Variants in GABRB1 observed in about 807,000 individuals in gnomAD.
The protein encoded by GABRB1 is gamma-aminobutyric acid type A receptor subunit beta1.
A neutral mutation model predicts 51.6 loss-of-function variants in GABRB1; 17 were observed. That is an observed-to-expected ratio of 0.33 (90% CI 0.23 to 0.49). GABRB1 has a LOEUF of 0.49. Among genes scored for constraint, GABRB1 ranks in the 20% least tolerant of loss-of-function variants. The pLI, the probability that GABRB1 is intolerant of heterozygous loss-of-function variation, is 0.99. For missense variants in GABRB1, 410 were observed against 600.6 expected, an observed-to-expected ratio of 0.68 and a Z score of 3.32; for synonymous variants, 247 against 218.9, an observed-to-expected ratio of 1.13 and a Z score of -1.14.
At chr4:47,224,454 A>G (rs530163785) in intron 4 of GABRB1, among the ~76,000 whole-genome samples, 3 of 152,172 alleles carry the variant, frequency 2.0e-5, no homozygotes, top group Non-Finnish European at 4.4e-5. Flanking sequence ...ACCAAAGAGC[A>G]GAGTGAGGAG....
At chr4:47,188,744 A>G (rs1306896149) in intron 4 of GABRB1, among the ~76,000 whole-genome samples, 2 of 152,030 alleles carry the variant, frequency 1.3e-5, no homozygotes, top group Admixed American at 6.6e-5. Flanking sequence ...ATCAACTAAC[A>G]TGTTTAAAGA....
chr4:47,005,565 A>G (rs1724362431), intron 1 of GABRB1, among the ~76,000 whole-genome samples: 1 of 151,732 alleles, frequency 6.6e-6, no homozygotes, highest in Non-Finnish European at 1.5e-5. Context: ...TAAAAGAGAA[A>G]GTAGTAAAGC....
chr4:47,082,817 C>T (rs1297090113), intron 3 of GABRB1, among the ~76,000 whole-genome samples: 9 of 152,014 alleles, frequency 5.9e-5, no homozygotes, highest in African/African-American at 1.4e-4. Context: ...TATCTAGATT[C>T]GCATGTCTGG....
rs1264288318 is a variant in GABRB1, at chr4:47,320,763, C to CTTT, written c.544+558_544+560dup. 1.5e-3 allele frequency among the ~76,000 whole-genome samples: 169 copies of CTTT among 113,220 alleles called. 6 individuals are homozygous for CTTT. Among genetic ancestry groups the CTTT allele is most frequent in the African/African-American group, 3.1e-3 (100 of 32,082 alleles). 74.3% of individuals were successfully genotyped at this position (113,220 alleles called of 152,430 possible). ...GCTTTTTCACTGATTGTTTTCTTTTCTTTTTTCTTTTTTTTTTTTTTTTTG... is the reference window on the plus strand; with the variant it reads ...GCTTTTTCACTGATTGTTTTCTTTTCTTTTTTTTTCTTTTTTTTTTTTTTTTTG... On this transcript the variant is annotated intron_variant, in intron 5 of 8. Coordinates refer to ENST00000295454, the MANE Select transcript of GABRB1 (RefSeq NM_000812.4).
intron 5 of GABRB1, among the ~76,000 whole-genome samples, chr4:47,330,026 G>A (rs1725418550): frequency 6.6e-6 from 1 of 152,050 alleles, no homozygotes; most frequent in Admixed American, 6.6e-5. Flanking sequence ...CGTAACTCTA[G>A]TCTGAAGACC....
intron 5 of GABRB1, among the ~76,000 whole-genome samples, chr4:47,396,680 T>C (rs1728189485): frequency 6.6e-6 from 1 of 152,170 alleles, no homozygotes; most frequent in East Asian, 1.9e-4. Context: ...TCCTAAGCAA[T>C]GATTTCTTAA....
At chr4:47,023,572 G>A (rs937109316) in intron 1 of GABRB1, among the ~76,000 whole-genome samples, 1 of 151,910 alleles carries the variant, frequency 6.6e-6, no homozygotes, top group African/African-American at 2.4e-5. Flanking sequence ...ACACATTCCT[G>A]TAAAATTTGG....
chr4:47,046,477 C>T (rs1305877263), intron 3 of GABRB1, among the ~76,000 whole-genome samples: 1 of 151,742 alleles, frequency 6.6e-6, no homozygotes, highest in African/African-American at 2.4e-5. Context: ...AAGAAACATC[C>T]AAAAATCTCA....
Position 47,255,614 on chromosome 4 carries a change from G to A in GABRB1, c.462-64513G>A, listed in dbSNP as rs575582362. Among the ~76,000 whole-genome samples, 24 of 152,332 alleles carry A rather than the reference G, an allele frequency of 1.6e-4. No individual in the cohort carries two copies. In the South Asian group the frequency reaches 5.0e-3, roughly 32 times the overall value. ...TAAGTAGAATTGACATGCCAGAAGG[G>A]TGATGATCGTGACCTAAGACAAAGA... On this transcript the variant is annotated intron_variant, in intron 4 of 8. Coordinates refer to ENST00000295454, the MANE Select transcript of GABRB1 (RefSeq NM_000812.4).
chr4:47,134,164 C>T (rs1329097203), intron 3 of GABRB1, among the ~76,000 whole-genome samples: 1 of 152,110 alleles, frequency 6.6e-6, no homozygotes, highest in African/African-American at 2.4e-5. Flanking sequence ...TAGGATATTG[C>T]TACCAAAAGG....
intron 4 of GABRB1, among the ~76,000 whole-genome samples, chr4:47,303,577 A>G (rs1724340022): frequency 6.6e-6 from 1 of 151,948 alleles, no homozygotes; most frequent in Non-Finnish European, 1.5e-5. Flanking sequence ...TCTTGAAAGT[A>G]CAAATATAAG....
chr4:47,301,739 A>G (rs1293128200), intron 4 of GABRB1, among the ~76,000 whole-genome samples: 2 of 152,214 alleles, frequency 1.3e-5, no homozygotes, highest in South Asian at 2.1e-4. Context: ...CTGAAAAGAC[A>G]TAGTATACTG....
At chr4:47,280,126 G>A (rs1723227948) in intron 4 of GABRB1, among the ~76,000 whole-genome samples, 1 of 151,454 alleles carries the variant, frequency 6.6e-6, no homozygotes, top group South Asian at 2.1e-4. Context: ...CTTCTGTAGA[G>A]GTATGCTTTG....
At chr4:47,296,979 G>C (rs1306671760) in intron 4 of GABRB1, among the ~76,000 whole-genome samples, 1 of 152,068 alleles carries the variant, frequency 6.6e-6, no homozygotes, top group Non-Finnish European at 1.5e-5. Flanking sequence ...TCAGCTACAT[G>C]GAAACTGAAC....
intron 3 of GABRB1, among the ~76,000 whole-genome samples, chr4:47,045,770 T>C (rs1726056953): frequency 6.6e-6 from 1 of 152,034 alleles, no homozygotes; most frequent in Non-Finnish European, 1.5e-5. Context: ...CCTCCAAATG[T>C]TGTTATATCG....
intron 5 of GABRB1, among the ~76,000 whole-genome samples, chr4:47,329,983 C>T (rs967469716): frequency 6.6e-6 from 1 of 152,078 alleles, no homozygotes; most frequent in South Asian, 2.1e-4. Flanking sequence ...AATTCCAGTC[C>T]CAGTCCAAAG....
At position 47,284,285 on chromosome 4, in the gene GABRB1, A is replaced by G. The variant is rs530753187; in HGVS notation, c.462-35842A>G. On this transcript the variant is annotated intron_variant, in intron 4 of 8. Coordinates refer to ENST00000295454, the MANE Select transcript of GABRB1 (RefSeq NM_000812.4). ...ATGCTCTGCCAGCCACACTTCTATT[A>G]CAAGTAAGACAAGCATGTAAAGATG... Among the ~76,000 whole-genome samples the G allele has an allele frequency of 4.6e-5, 7 of 152,158 alleles. No individual in the cohort carries two copies. In the South Asian group the frequency reaches 1.5e-3, roughly 32 times the overall value.
intron 3 of GABRB1, among the ~76,000 whole-genome samples, chr4:47,119,526 G>A (rs79670024): frequency 4.2e-5 from 4 of 94,708 alleles, no homozygotes; most frequent in Non-Finnish European, 8.4e-5. Flanking sequence ...TTTTTTTTTT[G>A]AGACTGAGTT....
At chr4:47,067,763 A>G (rs1712240361) in intron 3 of GABRB1, among the ~76,000 whole-genome samples, 1 of 151,760 alleles carries the variant, frequency 6.6e-6, no homozygotes, top group South Asian at 2.1e-4. Context: ...TCTGGGGTAC[A>G]TGTGCAGGAT....
Sources: allele counts gnomAD v4.1 joint callset (sites outside exome capture counted in the v4.1 genomes callset), GRCh38; gene constraint gnomAD v4.1.1; transcripts MANE v1.5; gene names NCBI Gene and HGNC (gene_info 2026-07-23, HGNC 2026-07-21).